The following MGST2 variants were observed in gnomAD, a reference collection of about 807,000 sequenced individuals.
MGST2 encodes the protein glutathione peroxidase MGST2.
MGST2 carries 9 observed loss-of-function variants against 16.6 expected under a neutral mutation model. The ratio of observed to expected loss-of-function variants is 0.54; its 90% confidence interval spans 0.33 to 0.95. The LOEUF (loss-of-function observed/expected upper bound fraction) is 0.95. Ranked by LOEUF, MGST2 falls within the 40% of genes least tolerant of loss-of-function variation. The pLI is 0.03. For missense variants in MGST2, 159 were observed against 175.1 expected (o/e 0.91, Z 0.52); for synonymous variants, 79 against 68.0 (o/e 1.16, Z -0.79).
At chr4:139,684,174 C>T (rs1731423804) in intron 2 of MGST2, among the ~76,000 whole-genome samples, 1 of 152,144 alleles carries the variant, frequency 6.6e-6, no homozygotes, top group Admixed American at 6.5e-5. Flanking sequence ...GATCTGACTG[C>T]CTTGGCCTCC....
chr4:139,684,742 A>T (rs1468796206), intron 2 of MGST2, among the ~76,000 whole-genome samples: 1 of 152,208 alleles, frequency 6.6e-6, no homozygotes, highest in African/African-American at 2.4e-5. Flanking sequence ...TTGAGAGTGC[A>T]GTAGTAAAGA....
chr4:139,727,455 G>A lies in MGST2; in HGVS notation c.*49-12757G>A, dbSNP rs115843080. On this transcript the variant is annotated intron_variant, in intron 5 of 5. Transcript: ENST00000616265. ...GGAATGAGCCCCTGGCAGCCTGTGG[G>A]GGACTGAGGGTGTATCCTGGAGTCA... Among the ~76,000 whole-genome samples, 817 of 152,268 alleles carry A rather than the reference G, an allele frequency of 5.4e-3. 5 individuals carry two copies. Among genetic ancestry groups the A allele is most frequent in the Middle Eastern group, 0.017 (5 of 294 alleles).
chr4:139,708,951 A>G (rs1727627999), downstream of MGST2, among the ~76,000 whole-genome samples: 1 of 139,572 alleles, frequency 7.2e-6, no homozygotes, highest in African/African-American at 2.6e-5. Flanking sequence ...GTGAGCGGAG[A>G]TGGCACCACT....
At position 139,703,311 on chromosome 4, in the gene MGST2, C is replaced by G. The variant is rs1159339465; in HGVS notation, c.230-144C>G. On this transcript the variant is annotated intron_variant, in intron 3 of 4. Transcript: ENST00000265498. ...AGATTATTGGCACATTTGTTTCCTTCCTATGTGGATTCTCTCTATATTCTG... is the reference window on the plus strand; with the variant it reads ...AGATTATTGGCACATTTGTTTCCTTGCTATGTGGATTCTCTCTATATTCTG... 9.7e-6 allele frequency: 7 copies of G among 718,784 alleles called. No individual in the cohort carries two copies. In the African/African-American group the frequency reaches 1.1e-4, roughly 11 times the overall value. The allele number at this position is 718,784 out of a possible 1,614,324, so 44.5% of individuals were successfully genotyped here. A position where few individuals can be genotyped will look rare whatever the true frequency, so the allele number is the denominator to read the frequency against.
At position 139,681,668 on chromosome 4, in the gene MGST2, A is replaced by G. The variant is rs1348041099; in HGVS notation, c.158+3026A>G. Among the ~76,000 whole-genome samples, 3 of 152,178 alleles carry G rather than the reference A, an allele frequency of 2.0e-5. No homozygotes were observed. In the East Asian group the frequency reaches 5.8e-4, roughly 29 times the overall value. On this transcript the variant is annotated intron_variant, in intron 2 of 4. Coordinates refer to ENST00000265498, the MANE Select transcript of MGST2 (RefSeq NM_002413.5). ...GAGGATTTTAATTATAATTTTAAAA[A>G]TTCTCTGTAACATTTCTGTTTCTTC...
intron 5 of MGST2, among the ~76,000 whole-genome samples, chr4:139,733,548 GCA>G (rs1488543478): frequency 8.5e-6 from 1 of 118,216 alleles, no homozygotes; most frequent in Non-Finnish European, 1.7e-5. Flanking sequence ...TACTTCAAAA[GCA>G]CAGTGTGAAA....
chr4:139,679,274 A>G (rs891349013), intron 2 of MGST2: 3 of 154,386 alleles, frequency 1.9e-5, no homozygotes, highest in African/African-American at 7.2e-5. Flanking sequence ...GAAACATTTC[A>G]TGCGTCACCA....
At chr4:139,724,775 CT>C (rs34621312) in intron 5 of MGST2, among the ~76,000 whole-genome samples, 56,142 of 129,960 alleles carry the variant, frequency 0.43, 11,319 homozygotes, top group Middle Eastern at 0.56. Context: ...CCTCAAGGGT[CT>C]TTTTTTTTTT....
chr4:139,698,660 C>T (rs957728594), intron 3 of MGST2: 1 of 738,196 alleles, frequency 1.4e-6, no homozygotes, highest in Non-Finnish European at 2.3e-6. Flanking sequence ...TTATAGCAAT[C>T]CTGCTCCCAC....
At chr4:139,705,350 G>A (rs1482747550), downstream of MGST2, among the ~76,000 whole-genome samples, 1 of 152,180 alleles carries the variant, frequency 6.6e-6, no homozygotes, top group East Asian at 1.9e-4. Flanking sequence ...AAAAGTCCTT[G>A]GGCATGTCCA....
chr4:139,723,699 TC>T (rs956286073), intron 5 of MGST2, among the ~76,000 whole-genome samples: 2 of 152,024 alleles, frequency 1.3e-5, no homozygotes, highest in African/African-American at 2.4e-5. Context: ...ATTAAATAAT[TC>T]CCCTTTTCCC....
intron 2 of MGST2, among the ~76,000 whole-genome samples, chr4:139,690,597 T>C (rs1726520670): frequency 6.6e-6 from 1 of 152,156 alleles, no homozygotes; most frequent in African/African-American, 2.4e-5. Context: ...ATGTGGGAGC[T>C]CCTGGGTGTG....
rs537988248 is a variant in MGST2 at position 139,733,556 on chromosome 4, T to TG, written c.*49-6655dup. On this transcript the variant is annotated intron_variant, in intron 5 of 5. Coordinates refer to the MGST2 transcript ENST00000616265. ...GAAGAAATACTTCAAAAGCACAGTG[T>TG]GAAAAAAAAAAAAAAAAAACCCTCC... Among the ~76,000 whole-genome samples the TG allele has an allele frequency of 4.6e-5, 4 of 86,254 alleles. No individual in the cohort carries two copies. In the South Asian group the frequency reaches 1.1e-3, roughly 24 times the overall value. The allele number at this position is 86,254 out of a possible 152,430, so 56.6% of individuals were successfully genotyped here. A position where few individuals can be genotyped will look rare whatever the true frequency, so the allele number is the denominator to read the frequency against.
chr4:139,721,184 C>G (rs550684853), intron 5 of MGST2, among the ~76,000 whole-genome samples: 10 of 152,286 alleles, frequency 6.6e-5, no homozygotes, highest in African/African-American at 1.9e-4. Context: ...TTTAATAATG[C>G]TGTTTAAAAG....
At chr4:139,697,062 T>G (rs1726965752) in intron 3 of MGST2, among the ~76,000 whole-genome samples, 1 of 152,138 alleles carries the variant, frequency 6.6e-6, no homozygotes, top group Non-Finnish European at 1.5e-5. Flanking sequence ...GACAAAGCAT[T>G]GATGGAACCA....
chr4:139,700,367 G>A (rs990102601), intron 3 of MGST2, among the ~76,000 whole-genome samples: 1 of 152,006 alleles, frequency 6.6e-6, no homozygotes, highest in Non-Finnish European at 1.5e-5. Flanking sequence ...TCCTGATCTC[G>A]TGATCCGCCA....
At chr4:139,695,053 T>A in intron 2 of MGST2, 144 bp from the exon 3 acceptor site, 1 of 643,508 alleles carries the variant, frequency 1.6e-6, no homozygotes, top group Non-Finnish European at 2.7e-6. Flanking sequence ...AAAGATTGAT[T>A]TTAAATGTAA....
chr4:139,698,433 C>T, intron 3 of MGST2: 14 of 1,277,386 alleles, frequency 1.1e-5, no homozygotes, highest in Non-Finnish European at 1.5e-5. Context: ...AGGCCTGTAA[C>T]GATGAGGTTT....
chr4:139,701,938 C>T (rs1727269686), intron 3 of MGST2, among the ~76,000 whole-genome samples: 1 of 151,468 alleles, frequency 6.6e-6, no homozygotes, highest in African/African-American at 2.4e-5. Flanking sequence ...CACATTCCTG[C>T]CTGGGTGACA....
Sources: allele counts gnomAD v4.1 joint callset (sites outside exome capture counted in the v4.1 genomes callset), GRCh38; gene constraint gnomAD v4.1.1; transcripts MANE v1.5; gene names NCBI Gene and HGNC (gene_info 2026-07-23, HGNC 2026-07-21).